The following CELF2 variants were observed in gnomAD, a reference collection of about 807,000 sequenced individuals.
CELF2 encodes the protein CUG triplet repeat RNA-binding protein 2.
CELF2 carries 8 observed loss-of-function variants against 62.6 expected under a neutral mutation model. The ratio of observed to expected loss-of-function variants is 0.13; its 90% CI spans 0.07 to 0.23. The LOEUF is 0.23. CELF2 is among the 10% of genes least tolerant of loss of function. The pLI, the probability that CELF2 is intolerant of heterozygous loss-of-function variation, is 1.00. For synonymous variants in CELF2, 258 were observed against 250.0 expected, an observed-to-expected ratio of 1.03 and a Z score of -0.30; for missense variants, 333 against 671.0, an observed-to-expected ratio of 0.50 and a Z score of 5.56.
chr10:10,948,071 T>C (rs542474206), intron 2 of CELF2, among the ~76,000 whole-genome samples: 62 of 152,290 alleles, frequency 4.1e-4, no homozygotes, highest in South Asian at 2.9e-3. Context: ...CCTCTGTATT[T>C]TGCCAGAAAC....
intron 2 of CELF2, among the ~76,000 whole-genome samples, chr10:11,172,295 A>C (rs7894433): frequency 0.025 from 3,883 of 152,294 alleles, 153 homozygotes; most frequent in African/African-American, 0.088. Flanking sequence ...CTATGGGACA[A>C]ACATAAAATG....
chr10:10,557,773 G>A, the CELF2 span, among the ~76,000 whole-genome samples: 21 of 144,188 alleles, frequency 1.5e-4, no homozygotes, highest in African/African-American at 4.9e-4. Flanking sequence ...TGGATTCCTA[G>A]GTATTTTATT....
Position 10,920,048 on chromosome 10 carries a change from A to G in CELF2, c.89+49A>G, listed in dbSNP as rs528219298. On this transcript the variant is annotated intron_variant, in intron 2 of 13. Coordinates refer to the CELF2 transcript ENST00000636488. ...TCTATGCCCGATTTCTTATATCCAC[A>G]AAGAGAAGTACTGTGCCATGTCTTC... 14 of 1,175,638 alleles carry G rather than the reference A, an allele frequency of 1.2e-5. No homozygotes were observed. The East Asian group carries it at 4.5e-4, about 38-fold the overall frequency. The allele number at this position is 1,175,638 out of a possible 1,614,324, so 72.8% of individuals were successfully genotyped here.
At chr10:11,235,738 T>A (rs1294908478) in intron 3 of CELF2, among the ~76,000 whole-genome samples, 1 of 151,816 alleles carries the variant, frequency 6.6e-6, no homozygotes. Flanking sequence ...ATTTTAAACA[T>A]GGGTAATAAG....
the CELF2 span, among the ~76,000 whole-genome samples, chr10:10,572,216 T>A: frequency 6.6e-6 from 1 of 152,146 alleles, no homozygotes; most frequent in African/African-American, 2.4e-5. Flanking sequence ...CTTTTTTTTT[T>A]AATCATTAAG....
At chr10:11,077,143 GGTA>G (rs780090216) in intron 1 of CELF2, among the ~76,000 whole-genome samples, 3 of 152,144 alleles carry the variant, frequency 2.0e-5, no homozygotes, top group Admixed American at 6.5e-5. Context: ...TCTCCGTGGT[GGTA>G]GTAGTTCACA....
chr10:10,555,400 A>G, the CELF2 span, among the ~76,000 whole-genome samples: 1 of 152,042 alleles, frequency 6.6e-6, no homozygotes, highest in African/African-American at 2.4e-5. Flanking sequence ...ACAAAAAGGA[A>G]CCGTGTCTGT....
the CELF2 span, among the ~76,000 whole-genome samples, chr10:10,509,369 G>A: frequency 6.6e-6 from 1 of 152,084 alleles, no homozygotes; most frequent in African/African-American, 2.4e-5. Context: ...AACTTTAGGA[G>A]GTGACAGGGT....
intron 1 of CELF2, among the ~76,000 whole-genome samples, chr10:11,119,769 C>G (rs1376340965): frequency 6.6e-6 from 1 of 151,534 alleles, no homozygotes; most frequent in African/African-American, 2.4e-5. Flanking sequence ...CTATAATGAT[C>G]AAGGGAGTGG....
rs2074609951 is a variant in CELF2 at position 11,243,380 on chromosome 10, T to G, written c.355-5773T>G. Among the ~76,000 whole-genome samples, 1 of 151,062 alleles carries G rather than the reference T, an allele frequency of 6.6e-6. No homozygotes were observed. The highest frequency in any genetic ancestry group is 1.5e-5 in the Non-Finnish European group (1 of 67,832). On this transcript the variant is annotated intron_variant, in intron 3 of 12. Transcript: ENST00000633077. The surrounding 1 kb of genome is among the most constrained non-coding windows in gnomAD (Gnocchi z 4.1). ...TATTCAAAAAAAAAAAAAAAAAGCT[T>G]CTAAAAATTCATGTACCATCAAGGA...
rs2064673064 is a variant in CELF2, at chr10:11,157,265, C to G, written c.75-8221C>G. ...TGTGCTCTGGGGCCGCGTTTCCCAC[C>G]TTCCCAGCTCCCTTCCTTGTTAGAG... is the stretch of plus-strand genomic sequence containing the variant. On this transcript the variant is annotated intron_variant, in intron 1 of 12. Transcript: ENST00000633077. This position sits in a 1 kb window ranked among gnomAD's most constrained non-coding sequence, Gnocchi z 4.9. Among the ~76,000 whole-genome samples the G allele has an allele frequency of 6.6e-6, 1 of 152,178 alleles. No individual in the cohort carries two copies. The highest frequency in any genetic ancestry group is 1.5e-5 in the Non-Finnish European group (1 of 68,036).
rs1019195543 is a variant in CELF2, at chr10:11,157,383, G to T, written c.75-8103G>T. Among the ~76,000 whole-genome samples, 1 of 129,242 alleles carries T rather than the reference G, an allele frequency of 7.7e-6. No homozygotes were observed. The highest frequency in any genetic ancestry group is 1.6e-5 in the Non-Finnish European group (1 of 62,000). 84.8% of individuals were successfully genotyped at this position (129,242 alleles called of 152,430 possible). A position where few individuals can be genotyped will look rare whatever the true frequency, so the allele number is the denominator to read the frequency against. On this transcript the variant is annotated intron_variant, in intron 1 of 12. Coordinates refer to ENST00000633077, the MANE Select transcript of CELF2 (RefSeq NM_001326342.2). The surrounding 1 kb of genome is among the most constrained non-coding windows in gnomAD (Gnocchi z 4.9). Reference sequence around the variant, plus strand: ...CTGTTGTCTTTTGACTTTGATATCCGCCCTCCCCCCACACACACACACACA... The same window carrying T: ...CTGTTGTCTTTTGACTTTGATATCCTCCCTCCCCCCACACACACACACACA...
chr10:10,557,968 T>G, the CELF2 span, among the ~76,000 whole-genome samples: 49 of 139,764 alleles, frequency 3.5e-4, no homozygotes, highest in South Asian at 3.4e-3. Flanking sequence ...TATACAATCA[T>G]GTCGTCTGCA....
chr10:11,185,915 T>C (rs1025062923), intron 2 of CELF2, among the ~76,000 whole-genome samples: 2 of 152,232 alleles, frequency 1.3e-5, no homozygotes, highest in African/African-American at 4.8e-5. Flanking sequence ...TAAAGTTGTA[T>C]TATTTCTTTA....
At chr10:11,232,035 A>T (rs1235958492) in intron 3 of CELF2, among the ~76,000 whole-genome samples, 1 of 152,138 alleles carries the variant, frequency 6.6e-6, no homozygotes, top group Non-Finnish European at 1.5e-5. Context: ...GTACATGTGC[A>T]CAACGTGCAG....
chr10:11,222,541 G>A (rs1022364151), intron 3 of CELF2, among the ~76,000 whole-genome samples: 1 of 152,200 alleles, frequency 6.6e-6, no homozygotes. Flanking sequence ...GGCACACAAA[G>A]CGCTGATGCA....
the CELF2 span, among the ~76,000 whole-genome samples, chr10:10,626,646 A>G: frequency 1.6e-4 from 24 of 152,180 alleles, no homozygotes; most frequent in South Asian, 6.2e-4. Context: ...GCGTTCCTAT[A>G]TTATTGAGTT....
In CELF2 at chr10:11,008,253, G is replaced by A. The variant is rs1173690986; in HGVS notation, c.53+2813G>A. Among the ~76,000 whole-genome samples, 1 of 152,110 alleles carries A rather than the reference G, an allele frequency of 6.6e-6. No individual in the cohort carries two copies. The highest frequency in any genetic ancestry group is 6.5e-5 in the Admixed American group (1 of 15,272). ...AATGAATAGCAAAAGATTCAAACTG[G>A]GAAAATGACTTCTTTCCACAGAAAG... is the stretch of plus-strand genomic sequence containing the variant. On this transcript the variant is annotated intron_variant, in intron 1 of 12. Transcript: ENST00000416382. The surrounding 1 kb of genome is among the most constrained non-coding windows in gnomAD (Gnocchi z 4.5).
intron 12 of CELF2, among the ~76,000 whole-genome samples, chr10:11,327,155 A>G (rs952130176): frequency 7.3e-6 from 1 of 136,538 alleles, no homozygotes; most frequent in African/African-American, 2.7e-5. Context: ...AACCCGTGTG[A>G]CAGTTCAGTA....
Sources: allele counts gnomAD v4.1 joint callset (sites outside exome capture counted in the v4.1 genomes callset), GRCh38; gene constraint gnomAD v4.1.1; non-coding constraint Gnocchi (gnomAD v3.1); transcripts MANE v1.5; gene names NCBI Gene and HGNC (gene_info 2026-07-23, HGNC 2026-07-21).